The following BBX variants were observed in gnomAD, a reference collection of about 807,000 sequenced individuals.
BBX encodes the protein HMG box transcription factor BBX.
In BBX, 30 loss-of-function variants were observed where a neutral mutation model predicts 100.2. The ratio of observed to expected loss-of-function variants is 0.30; its 90% confidence interval spans 0.22 to 0.41. The LOEUF is 0.41. Ranked by LOEUF, BBX falls within the 10% of genes least tolerant of loss-of-function variation. The pLI is 1.00. For synonymous variants in BBX, 376 were observed against 388.1 expected (o/e 0.97, Z 0.37); for missense variants, 1,023 against 1,129.8 (o/e 0.91, Z 1.35).
chr3:107,682,585 T>C (rs996757250), intron 3 of BBX, among the ~76,000 whole-genome samples: 1 of 152,248 alleles, frequency 6.6e-6, no homozygotes, highest in Non-Finnish European at 1.5e-5. Context: ...TCCATAACAT[T>C]GGTTAATAAG....
At chr3:107,712,148 A>T (rs1415605883) in intron 4 of BBX, among the ~76,000 whole-genome samples, 1 of 152,150 alleles carries the variant, frequency 6.6e-6, no homozygotes, top group Non-Finnish European at 1.5e-5. Flanking sequence ...AAGTGCTGGG[A>T]TTATAGGCAC....
chr3:107,801,091 A>G lies in BBX; in HGVS notation c.2552-4A>G, dbSNP rs1319069832. The G allele has an allele frequency of 6.2e-7, 1 of 1,613,306 alleles. No homozygotes were observed. Among genetic ancestry groups the G allele is most frequent in the Non-Finnish European group, 8.5e-7 (1 of 1,179,622 alleles). The stretch of plus-strand genomic sequence containing the variant: ...TCTCATGATGGATTTCTCTTTTGTT[A>G]CAGATGACAAACCAAAGGAACAACT... On this transcript the variant is annotated splice_region_variant and splice_polypyrimidine_tract_variant and intron_variant, in intron 16 of 17. Coordinates refer to ENST00000325805, the MANE Select transcript of BBX (RefSeq NM_001142568.3).
At chr3:107,683,857 A>G (rs565248963) in intron 3 of BBX, among the ~76,000 whole-genome samples, 120 of 152,334 alleles carry the variant, frequency 7.9e-4, no homozygotes, top group African/African-American at 2.7e-3. Flanking sequence ...GTGCCTGCAC[A>G]TGTGTTAACC....
At chr3:107,705,226 TTGTGGTTAGAATA>T (rs1345699719) in intron 3 of BBX, among the ~76,000 whole-genome samples, 1 of 152,034 alleles carries the variant, frequency 6.6e-6, no homozygotes, top group Non-Finnish European at 1.5e-5. Context: ...GAGGCCCTAT[TTGTGGTTAGAATA>T]TGTGGTTGTC....
intron 2 of BBX, among the ~76,000 whole-genome samples, chr3:107,631,463 C>T (rs368268946): frequency 9.9e-5 from 15 of 151,496 alleles, no homozygotes; most frequent in East Asian, 5.8e-4. Flanking sequence ...TTTAACCAAA[C>T]ATTTTTGTGT....
chr3:107,612,562 T>A (rs1023754505), intron 2 of BBX, among the ~76,000 whole-genome samples: 7 of 152,206 alleles, frequency 4.6e-5, no homozygotes, highest in Non-Finnish European at 1.0e-4. Context: ...AGGCAGAGAC[T>A]GTTGTTCTCT....
chr3:107,714,160 G>C (rs976808463), intron 4 of BBX, among the ~76,000 whole-genome samples: 1 of 151,414 alleles, frequency 6.6e-6, no homozygotes, highest in South Asian at 2.1e-4. Context: ...GTTTGTAGTA[G>C]AGACTGGGTT....
chr3:107,670,488 A>C (rs555293218), intron 3 of BBX, among the ~76,000 whole-genome samples: 184 of 152,194 alleles, frequency 1.2e-3, no homozygotes, highest in African/African-American at 4.0e-3. Context: ...AATTACCCTG[A>C]TCTGATTACT....
chr3:107,661,094 A>C (rs1010617854), intron 3 of BBX, among the ~76,000 whole-genome samples: 1 of 152,184 alleles, frequency 6.6e-6, no homozygotes, highest in Non-Finnish European at 1.5e-5. Flanking sequence ...GTGACTGTTC[A>C]CTTAATTTCA....
chr3:107,740,612 A>G (rs540134649), intron 7 of BBX, among the ~76,000 whole-genome samples: 1 of 152,212 alleles, frequency 6.6e-6, no homozygotes, highest in East Asian at 1.9e-4. Context: ...TTCTTCATGT[A>G]GAATTCAGAT....
At chr3:107,530,215 A>G (rs1233184711) in intron 2 of BBX, among the ~76,000 whole-genome samples, 3 of 152,132 alleles carry the variant, frequency 2.0e-5, no homozygotes, top group Admixed American at 2.0e-4. Context: ...AACATGGTGA[A>G]ACCTTGTCTT....
Position 107,728,752 on chromosome 3 carries a change from G to T in BBX, c.406-13G>T. 6.3e-7 allele frequency: 1 copy of T among 1,591,916 alleles called. No individual in the cohort carries two copies. The highest frequency in any genetic ancestry group is 8.5e-7 in the Non-Finnish European group (1 of 1,169,838). Reference sequence around the variant, plus strand: ...TGTTAATTAAAATCTGCTGTCTGTCGTTTTATTTATAGTATAAGGATGCAT... The same window carrying T: ...TGTTAATTAAAATCTGCTGTCTGTCTTTTTATTTATAGTATAAGGATGCAT... On this transcript the variant is annotated splice_polypyrimidine_tract_variant and intron_variant, in intron 5 of 17. Transcript: ENST00000325805.
intron 2 of BBX, among the ~76,000 whole-genome samples, chr3:107,639,921 T>A (rs2057089375): frequency 6.6e-6 from 1 of 152,218 alleles, no homozygotes; most frequent in Admixed American, 6.5e-5. Flanking sequence ...AGCACCCAAA[T>A]GCTGAGAATA....
At chr3:107,582,996 A>T (rs185662126) in intron 2 of BBX, among the ~76,000 whole-genome samples, 1 of 151,536 alleles carries the variant, frequency 6.6e-6, no homozygotes, top group Non-Finnish European at 1.5e-5. Context: ...ATACTTTTTT[A>T]TATTCTCTTT....
At chr3:107,793,782 C>T (rs564918660) in intron 15 of BBX, among the ~76,000 whole-genome samples, 61 of 152,252 alleles carry the variant, frequency 4.0e-4, no homozygotes, top group African/African-American at 1.2e-3. Flanking sequence ...ATTCTGATTT[C>T]TTCTAAAGTA....
At chr3:107,633,108 A>AAT (rs1279617718) in intron 2 of BBX, among the ~76,000 whole-genome samples, 2 of 152,126 alleles carry the variant, frequency 1.3e-5, no homozygotes, top group South Asian at 4.1e-4. Context: ...CTCTGTTCTT[A>AAT]ATATATAACA....
At chr3:107,620,808 A>G (rs2055691297) in intron 2 of BBX, among the ~76,000 whole-genome samples, 1 of 151,994 alleles carries the variant, frequency 6.6e-6, no homozygotes, top group African/African-American at 2.4e-5. Flanking sequence ...ACTACTGGGC[A>G]GTGGTCAAAA....
intron 4 of BBX, among the ~76,000 whole-genome samples, chr3:107,714,347 G>A (rs1381912428): frequency 6.6e-6 from 1 of 152,008 alleles, no homozygotes; most frequent in East Asian, 1.9e-4. Context: ...ATCCACTAGT[G>A]CTTTGTTATC....
At chr3:107,781,757 CTTCT>C (rs973799543) in intron 13 of BBX, among the ~76,000 whole-genome samples, 11 of 152,196 alleles carry the variant, frequency 7.2e-5, no homozygotes, top group African/African-American at 2.2e-4. Flanking sequence ...CACCTTATTC[CTTCT>C]ATCTTTACAT....
Sources: allele counts gnomAD v4.1 joint callset (sites outside exome capture counted in the v4.1 genomes callset), GRCh38; gene constraint gnomAD v4.1.1; transcripts MANE v1.5; gene names NCBI Gene and HGNC (gene_info 2026-07-23, HGNC 2026-07-21).